The following PKP4 variants were observed in gnomAD, a reference collection of about 807,000 sequenced individuals.
PKP4 encodes plakophilin 4.
In PKP4, 90 loss-of-function variants were observed where a neutral mutation model predicts 145.1. The ratio of observed to expected loss-of-function variants is 0.62; its 90% CI spans 0.52 to 0.74. The LOEUF (loss-of-function observed/expected upper bound fraction) is 0.74. Among genes scored for constraint, PKP4 ranks in the 30% least tolerant of loss-of-function variants. The probability of loss-of-function intolerance (pLI) is 0.00; values close to 1 mark genes in which losing one functional copy is unlikely to be tolerated. For synonymous variants in PKP4, 563 were observed against 577.2 expected, an observed-to-expected ratio of 0.98 and a Z score of 0.35; for missense variants, 1,340 against 1,482.7, an observed-to-expected ratio of 0.90 and a Z score of 1.58.
At position 158,568,546 on chromosome 2, in the gene PKP4, T is replaced by G. The variant is rs1010558881; in HGVS notation, c.133-8725T>G. ...TACCCATCATTTAGGTGTAGCTACATAGCAGACCACTGAAAATTCAATTAG... is the reference window on the plus strand; with the variant it reads ...TACCCATCATTTAGGTGTAGCTACAGAGCAGACCACTGAAAATTCAATTAG... On this transcript the variant is annotated intron_variant, in intron 2 of 21. Coordinates refer to ENST00000389759, the MANE Select transcript of PKP4 (RefSeq NM_003628.6). 3.9e-5 allele frequency among the ~76,000 whole-genome samples: 6 copies of G among 152,136 alleles called. No individual in the cohort carries two copies. The East Asian group carries it at 1.2e-3, about 29-fold the overall frequency.
intron 1 of PKP4, among the ~76,000 whole-genome samples, chr2:158,485,603 G>T (rs375050604): frequency 2.6e-5 from 4 of 152,186 alleles, no homozygotes; most frequent in African/African-American, 9.7e-5. Flanking sequence ...TTGAATGAAT[G>T]AAAATGATTT....
At chr2:158,477,230 CT>C (rs1358151914) in intron 1 of PKP4, among the ~76,000 whole-genome samples, 1 of 151,138 alleles carries the variant, frequency 6.6e-6, no homozygotes, top group Non-Finnish European at 1.5e-5. Context: ...ATATGCAGTT[CT>C]TTCCTTTTAC....
intron 1 of PKP4, among the ~76,000 whole-genome samples, chr2:158,475,019 T>C (rs1692227071): frequency 6.6e-6 from 1 of 152,224 alleles, no homozygotes; most frequent in South Asian, 2.1e-4. Flanking sequence ...GAGATGCCTT[T>C]CCTTCCTTAG....
chr2:158,498,909 T>G (rs537033177), intron 1 of PKP4, among the ~76,000 whole-genome samples: 2 of 151,822 alleles, frequency 1.3e-5, no homozygotes, highest in East Asian at 3.9e-4. Flanking sequence ...GCAGCACAGC[T>G]GATGGTGGTG....
At chr2:158,678,894 C>T (rs916626860) in intron 21 of PKP4, 4 of 554,092 alleles carry the variant, frequency 7.2e-6, no homozygotes, top group Non-Finnish European at 1.3e-5. Context: ...TGGGGACAGC[C>T]GAGAAGTCTT....
At chr2:158,679,288 C>T (rs962474947) in intron 21 of PKP4, 3 of 153,286 alleles carry the variant, frequency 2.0e-5, no homozygotes, top group African/African-American at 7.2e-5. Flanking sequence ...CTCCTCTTCC[C>T]TTTCAATGAC....
In PKP4 at chr2:158,577,293, C is replaced by T; in HGVS notation, c.155C>T (p.Thr52Ile). ...KEQELQFQRLTRELEVERQIV... is the reference protein window; with the variant it reads ...KEQELQFQRLIRELEVERQIV... ...CAGGAGCTTCAGTTTCAGCGACTCA[C>T]CCGAGAACTGGAAGTGGAAAGGCAG... Residue 52 changes from threonine to isoleucine, a missense_variant, in exon 3 of 22, where the codon ACC becomes ATC. Thr to Ile is a moderately conservative substitution (Grantham distance 89, BLOSUM62 -1). Coordinates refer to ENST00000389759, the MANE Select transcript of PKP4 (RefSeq NM_003628.6). 6.2e-7 allele frequency: 1 copy of T among 1,612,874 alleles called. No individual in the cohort carries two copies. Among genetic ancestry groups the T allele is most frequent in the Non-Finnish European group, 8.5e-7 (1 of 1,179,522 alleles).
intron 1 of PKP4, among the ~76,000 whole-genome samples, chr2:158,479,853 A>C (rs1693070662): frequency 6.6e-6 from 1 of 152,202 alleles, no homozygotes; most frequent in African/African-American, 2.4e-5. Flanking sequence ...AGCATTTATG[A>C]TTCCTCTGTT....
intron 1 of PKP4, among the ~76,000 whole-genome samples, chr2:158,483,615 A>T (rs1461874477): frequency 6.6e-6 from 1 of 151,932 alleles, no homozygotes; most frequent in Non-Finnish European, 1.5e-5. Context: ...GTTTGGGGGG[A>T]TCTACTATCT....
chr2:158,564,602 C>G (rs1318632493), intron 2 of PKP4, among the ~76,000 whole-genome samples: 1 of 152,210 alleles, frequency 6.6e-6, no homozygotes, highest in African/African-American at 2.4e-5. Flanking sequence ...ATCCCACTCC[C>G]ATGAACAGTA....
chr2:158,589,399 C>A lies in PKP4; in HGVS notation c.245+12016C>A, dbSNP rs2049064555. Among the ~76,000 whole-genome samples the A allele has an allele frequency of 2.0e-5, 3 of 152,206 alleles. No individual in the cohort carries two copies. The South Asian group carries it at 6.2e-4, about 32-fold the overall frequency. ...TGGGAAGACTTCAGTACTCCATTTA[C>A]CTCCTTCTTGCCACTGCACCCCTCC... On this transcript the variant is annotated intron_variant, in intron 3 of 21. Transcript: ENST00000389759.
chr2:158,605,657 C>G (rs559078123), intron 4 of PKP4, among the ~76,000 whole-genome samples: 1 of 152,120 alleles, frequency 6.6e-6, no homozygotes, highest in African/African-American at 2.4e-5. Context: ...ATAATTCATA[C>G]TATATAGTTT....
chr2:158,595,887 T>C (rs2049686762), intron 3 of PKP4, among the ~76,000 whole-genome samples: 1 of 152,190 alleles, frequency 6.6e-6, no homozygotes, highest in Non-Finnish European at 1.5e-5. Flanking sequence ...CAGGGAACTA[T>C]GGAGCCCAGT....
chr2:158,523,817 G>A (rs1035264360), intron 1 of PKP4, among the ~76,000 whole-genome samples: 8 of 132,862 alleles, frequency 6.0e-5, no homozygotes, highest in African/African-American at 1.2e-4. Context: ...ACCAAGGCTC[G>A]AGAACTACGT....
At chr2:158,544,552 A>AT (rs2044807823) in intron 2 of PKP4, among the ~76,000 whole-genome samples, 1 of 152,096 alleles carries the variant, frequency 6.6e-6, no homozygotes, top group Admixed American at 6.6e-5. Context: ...TCCTCGTTAT[A>AT]TTGTATTAAT....
intron 1 of PKP4, among the ~76,000 whole-genome samples, chr2:158,488,992 A>G (rs753088630): frequency 6.6e-6 from 1 of 152,204 alleles, no homozygotes; most frequent in Admixed American, 6.5e-5. Context: ...AAGGCATTAC[A>G]TCTTTCAGAG....
chr2:158,462,970 G>C (rs1690002458), intron 1 of PKP4, among the ~76,000 whole-genome samples: 1 of 152,170 alleles, frequency 6.6e-6, no homozygotes, highest in African/African-American at 2.4e-5. Context: ...GATGGTTTCT[G>C]CAGCATTTAC....
intron 1 of PKP4, among the ~76,000 whole-genome samples, chr2:158,491,443 G>A (rs1385547165): frequency 6.6e-6 from 1 of 151,994 alleles, no homozygotes; most frequent in Non-Finnish European, 1.5e-5. Flanking sequence ...GTATTTCTCT[G>A]ACTACTTATG....
At chr2:158,552,885 G>GA (rs1286300433) in intron 2 of PKP4, among the ~76,000 whole-genome samples, 62 of 152,184 alleles carry the variant, frequency 4.1e-4, no homozygotes, top group Non-Finnish European at 5.9e-5. Flanking sequence ...CATATTGTTG[G>GA]AAAAAAATGT....
Sources: gnomAD v4.1 joint callset for allele counts (sites outside exome capture counted in the v4.1 genomes callset) on GRCh38, gnomAD v4.1.1 for gene constraint, MANE v1.5 for transcripts, NCBI Gene and HGNC (gene_info 2026-07-23, HGNC 2026-07-21) for gene names.